AUTS2: variants seen among roughly 807,000 people sequenced by gnomAD.
AUTS2 encodes the protein activator of transcription and developmental regulator AUTS2, also known as autism susceptibility gene 2 protein.
In AUTS2, 17 loss-of-function variants were observed where a neutral mutation model predicts 112.4. The ratio of observed to expected loss-of-function variants is 0.15; its 90% CI spans 0.10 to 0.23. The LOEUF (loss-of-function observed/expected upper bound fraction) is 0.23. Ranked by LOEUF, AUTS2 falls within the 10% of genes least tolerant of loss-of-function variation. The pLI is 1.00. For synonymous variants in AUTS2, 751 were observed against 702.7 expected (o/e 1.07, Z -1.09); for missense variants, 1,510 against 1,701.6 (o/e 0.89, Z 1.98).
At chr7:70,013,859 A>C (rs571479802) in intron 2 of AUTS2, among the ~76,000 whole-genome samples, 1 of 152,152 alleles carries the variant, frequency 6.6e-6, no homozygotes, top group Non-Finnish European at 1.5e-5. Context: ...CTGGGACTAC[A>C]GGCACGTATC....
At chr7:70,528,107 T>TTA (rs1563018168) in intron 5 of AUTS2, among the ~76,000 whole-genome samples, 52 of 105,746 alleles carry the variant, frequency 4.9e-4, no homozygotes, top group African/African-American at 1.4e-3. Flanking sequence ...TTTTTTTTTT[T>TTA]TTTTTTTTTT....
intron 4 of AUTS2, among the ~76,000 whole-genome samples, chr7:70,177,037 A>G (rs906449043): frequency 1.3e-5 from 2 of 152,210 alleles, no homozygotes; most frequent in Non-Finnish European, 2.9e-5. Flanking sequence ...ATCATTTCCT[A>G]GACAACTTCA....
chr7:70,079,135 CT>C (rs941295919), intron 2 of AUTS2, among the ~76,000 whole-genome samples: 12 of 152,266 alleles, frequency 7.9e-5, no homozygotes, highest in African/African-American at 2.6e-4. Flanking sequence ...GACTGCGTAT[CT>C]TTATGTACCC....
chr7:69,799,720 T>G (rs1008752371), intron 1 of AUTS2, among the ~76,000 whole-genome samples: 1 of 152,216 alleles, frequency 6.6e-6, no homozygotes, highest in Non-Finnish European at 1.5e-5. Context: ...TTTTTTGATT[T>G]GTAAATCCAA....
intron 1 of AUTS2, among the ~76,000 whole-genome samples, chr7:69,864,218 A>G (rs1171950808): frequency 6.6e-6 from 1 of 152,186 alleles, no homozygotes; most frequent in African/African-American, 2.4e-5. Context: ...ATTCTCAGAC[A>G]TTCACTTTGT....
chr7:69,996,196 G>A (rs1218829740), intron 2 of AUTS2, among the ~76,000 whole-genome samples: 4 of 152,252 alleles, frequency 2.6e-5, no homozygotes, highest in South Asian at 2.1e-4. Flanking sequence ...AGTGCAGTTC[G>A]GAACCCTGGA....
chr7:69,702,238 G>A (rs1320080266), intron 1 of AUTS2, among the ~76,000 whole-genome samples: 1 of 152,160 alleles, frequency 6.6e-6, no homozygotes, highest in Non-Finnish European at 1.5e-5. Flanking sequence ...GATTCATAGA[G>A]GGAAAACCTT....
At chr7:69,600,153 C>T (rs1702180764) in intron 1 of AUTS2, among the ~76,000 whole-genome samples, 191 bp downstream of exon 1, 1 of 151,960 alleles carries the variant, frequency 6.6e-6, no homozygotes, top group African/African-American at 2.4e-5. Context: ...AGGAGGGAGT[C>T]GCAAAGCCGT....
At chr7:69,909,387 A>G (rs1406756180) in intron 2 of AUTS2, among the ~76,000 whole-genome samples, 2 of 152,212 alleles carry the variant, frequency 1.3e-5, no homozygotes, top group South Asian at 4.1e-4. Flanking sequence ...GTTTATAAAG[A>G]TGCTAACCGG....
At chr7:70,309,846 T>C (rs895502804) in intron 4 of AUTS2, among the ~76,000 whole-genome samples, 1 of 152,214 alleles carries the variant, frequency 6.6e-6, no homozygotes, top group African/African-American at 2.4e-5. Context: ...ACATGGCTCA[T>C]CTTTGCAGCA....
intron 5 of AUTS2, among the ~76,000 whole-genome samples, chr7:70,692,978 A>G (rs143931044): frequency 5.3e-5 from 8 of 152,282 alleles, no homozygotes; most frequent in African/African-American, 1.9e-4. Flanking sequence ...GAGGGGACTT[A>G]GAACTGAAGT....
intron 1 of AUTS2, among the ~76,000 whole-genome samples, chr7:69,881,809 G>A (rs569119933): frequency 8.0e-4 from 121 of 152,148 alleles, no homozygotes; most frequent in Admixed American, 2.4e-3. Context: ...TATGGTGCTA[G>A]TATTTCAAGG....
At chr7:70,410,804 C>G (rs910332254) in intron 4 of AUTS2, among the ~76,000 whole-genome samples, 1 of 151,368 alleles carries the variant, frequency 6.6e-6, no homozygotes, top group Non-Finnish European at 1.5e-5. Context: ...AATAGTCATC[C>G]CCTACATATG....
chr7:70,054,429 C>T (rs191596525), intron 2 of AUTS2, among the ~76,000 whole-genome samples: 2 of 152,170 alleles, frequency 1.3e-5, no homozygotes, highest in East Asian at 3.9e-4. Context: ...GACCGTAACC[C>T]CATTAATTAT....
At chr7:70,510,699 T>C (rs1171383429) in intron 5 of AUTS2, among the ~76,000 whole-genome samples, 1 of 151,980 alleles carries the variant, frequency 6.6e-6, no homozygotes, top group African/African-American at 2.4e-5. Flanking sequence ...TTAAAGAAAA[T>C]TGAAAAAAAT....
intron 4 of AUTS2, among the ~76,000 whole-genome samples, chr7:70,341,636 T>C (rs901241560): frequency 2.6e-5 from 4 of 152,252 alleles, no homozygotes; most frequent in Admixed American, 1.3e-4. Context: ...ATTAGTTCTT[T>C]CTAGTGCAAT....
chr7:70,255,074 C>CCTTTTTTTTTTTTTTTTTTTTTTTT (rs573880447), intron 4 of AUTS2, among the ~76,000 whole-genome samples: 1 of 129,660 alleles, frequency 7.7e-6, no homozygotes, highest in African/African-American at 2.9e-5. Flanking sequence ...TCAAAATTAC[C>CCTTTTTTTTTTTTTTTTTTTTTTTT]TTTTTTTTTT....
At chr7:70,129,463 T>G (rs1205954717) in intron 3 of AUTS2, among the ~76,000 whole-genome samples, 1 of 152,180 alleles carries the variant, frequency 6.6e-6, no homozygotes, top group Non-Finnish European at 1.5e-5. Context: ...GAATCATGTT[T>G]GACCAAATAT....
intron 1 of AUTS2, among the ~76,000 whole-genome samples, chr7:69,770,075 G>A (rs893292340): frequency 6.6e-6 from 1 of 152,214 alleles, no homozygotes; most frequent in Non-Finnish European, 1.5e-5. Context: ...AGACAGTTAA[G>A]GGTAAGGAAG....
Sources: gnomAD v4.1 joint callset for allele counts (sites outside exome capture counted in the v4.1 genomes callset) on GRCh38, gnomAD v4.1.1 for gene constraint, MANE v1.5 for transcripts, NCBI Gene and HGNC (gene_info 2026-07-23, HGNC 2026-07-21) for gene names.